WIPF1: variants seen among roughly 807,000 people sequenced by gnomAD.
WIPF1 encodes the protein WAS/WASL-interacting protein family member 1.
Under a neutral mutation model 35.4 loss-of-function variants are expected in WIPF1, and 13 were observed. That is an observed-to-expected ratio of 0.37 (90% CI 0.24 to 0.58). WIPF1 has a LOEUF of 0.58. Among genes scored for constraint, WIPF1 ranks in the 20% least tolerant of loss-of-function variants. The pLI, the probability that WIPF1 is intolerant of heterozygous loss-of-function variation, is 0.74. For synonymous variants in WIPF1, 267 were observed against 266.3 expected (o/e 1.00, Z -0.02); for missense variants, 591 against 667.0 (o/e 0.89, Z 1.25).
intron 1 of WIPF1, among the ~76,000 whole-genome samples, chr2:174,632,891 T>G (rs2105935488): frequency 6.6e-6 from 1 of 152,278 alleles, no homozygotes; most frequent in African/African-American, 2.4e-5. Context: ...GAAGAGCTCC[T>G]TCGAGGGATG....
chr2:174,631,028 G>A (rs765123648), intron 1 of WIPF1, among the ~76,000 whole-genome samples: 3 of 152,142 alleles, frequency 2.0e-5, no homozygotes, highest in Non-Finnish European at 4.4e-5. Context: ...TTGTGTTTTG[G>A]GAGGAAGAGT....
chr2:174,635,546 T>G lies in WIPF1; in HGVS notation c.-39+47228A>C, dbSNP rs1173227633. Among the ~76,000 whole-genome samples the G allele has an allele frequency of 1.0e-4, 15 of 149,040 alleles. 1 individual carries two copies. The highest frequency in any genetic ancestry group is 3.7e-4 in the African/African-American group (15 of 40,184). On this transcript the variant is annotated intron_variant, in intron 1 of 8. Transcript: ENST00000272746. Reference sequence around the variant, plus strand: ...TTCTGTTTGTTTTTTTTTTTTTTTTTTTTTTTTTGTGATTCTCTCAGCCAT... The same window carrying G: ...TTCTGTTTGTTTTTTTTTTTTTTTTGTTTTTTTTGTGATTCTCTCAGCCAT...
At chr2:174,575,739 G>A (rs1028227473) in intron 3 of WIPF1, among the ~76,000 whole-genome samples, 5 of 152,126 alleles carry the variant, frequency 3.3e-5, no homozygotes, top group Non-Finnish European at 7.3e-5. Context: ...CACTTTGGGA[G>A]GCTGAGGTGG....
chr2:174,585,546 G>A lies in WIPF1; in HGVS notation c.28C>T (p.Pro10Ser). 1 of 1,612,930 alleles carries A rather than the reference G, an allele frequency of 6.2e-7. No homozygotes were observed. Among genetic ancestry groups the A allele is most frequent in the Non-Finnish European group, 8.5e-7 (1 of 1,179,592 alleles). The change falls in exon 2 of 8, where the codon CCG (proline) becomes TCG (serine). Residue 10 changes from proline (P) to serine (S), a missense_variant. By Grantham distance (74) the Pro-to-Ser change is moderately conservative. Around this residue, in one of 3 missense-constraint regions of WIPF1, gnomAD observed 471 missense variants for 501.1 expected, o/e 0.94. Coordinates refer to ENST00000679041, the MANE Select transcript of WIPF1 (RefSeq NM_001375834.1). Reference sequence around the variant, plus strand: ...ACCAGTGCAAACGTCGGGGGCGGCGGGGGTGCTGGAGGGGGAGGGACAGGC... The same window carrying A: ...ACCAGTGCAAACGTCGGGGGCGGCGAGGGTGCTGGAGGGGGAGGGACAGGC... MPVPPPPAP[P>S]PPPTFALANT... is the part of the protein sequence containing the mutation.
At chr2:174,594,750 T>C (rs1487297671) in intron 1 of WIPF1, among the ~76,000 whole-genome samples, 1 of 132,492 alleles carries the variant, frequency 7.5e-6, no homozygotes, top group Non-Finnish European at 1.7e-5. Flanking sequence ...GCACACTTGA[T>C]ATATACTGTA....
intron 1 of WIPF1, among the ~76,000 whole-genome samples, chr2:174,632,668 C>T (rs1687059983): frequency 1.5e-5 from 2 of 130,526 alleles, no homozygotes; most frequent in South Asian, 4.9e-4. Flanking sequence ...GAGACGGTGC[C>T]ACTGCACTTC....
intron 1 of WIPF1, among the ~76,000 whole-genome samples, chr2:174,596,018 C>T (rs1211068654): frequency 6.6e-6 from 1 of 152,154 alleles, no homozygotes; most frequent in Non-Finnish European, 1.5e-5. Flanking sequence ...AATTCAGTAT[C>T]ACTTCATCTC....
At chr2:174,639,092 T>C (rs961164146) in intron 1 of WIPF1, among the ~76,000 whole-genome samples, 1 of 152,236 alleles carries the variant, frequency 6.6e-6, no homozygotes, top group African/African-American at 2.4e-5. Context: ...TATTTCCTTT[T>C]CTCCACATCC....
chr2:174,651,346 A>AAACAACAAAGT (rs1313294080), intron 1 of WIPF1, among the ~76,000 whole-genome samples: 10 of 152,364 alleles, frequency 6.6e-5, no homozygotes, highest in African/African-American at 2.4e-4. Flanking sequence ...TTTTAAAAAA[A>AAACAACAAAGT]AACAACAAAG....
chr2:174,638,233 T>C (rs1161785898), intron 1 of WIPF1, among the ~76,000 whole-genome samples: 1 of 152,232 alleles, frequency 6.6e-6, no homozygotes, highest in Non-Finnish European at 1.5e-5. Flanking sequence ...CAGATATTGA[T>C]ATAAAGTAAA....
chr2:174,580,258 C>T (rs543270645), intron 3 of WIPF1, among the ~76,000 whole-genome samples: 3 of 152,232 alleles, frequency 2.0e-5, no homozygotes, highest in African/African-American at 7.2e-5. Flanking sequence ...GCCATAGTTC[C>T]TTTTTGAAAG....
intron 1 of WIPF1, among the ~76,000 whole-genome samples, chr2:174,664,578 C>T (rs1254030501): frequency 6.6e-6 from 1 of 152,196 alleles, no homozygotes; most frequent in Non-Finnish European, 1.5e-5. Context: ...CCAAGAATGC[C>T]CTCTCTTGTG....
chr2:174,569,900 T>C (rs375326634), intron 5 of WIPF1, among the ~76,000 whole-genome samples: 2 of 152,314 alleles, frequency 1.3e-5, no homozygotes, highest in South Asian at 2.1e-4. Context: ...GGGCCTTTGA[T>C]GAACTCTCAT....
intron 2 of WIPF1, among the ~76,000 whole-genome samples, chr2:174,584,059 C>T (rs972433489): frequency 6.6e-6 from 1 of 152,160 alleles, no homozygotes; most frequent in African/African-American, 2.4e-5. Flanking sequence ...AACTCCTGGG[C>T]TCAAGTTATC....
At chr2:174,612,319 G>C (rs184866238) in intron 1 of WIPF1, among the ~76,000 whole-genome samples, 1 of 151,990 alleles carries the variant, frequency 6.6e-6, no homozygotes, top group Admixed American at 6.6e-5. Flanking sequence ...GGATGTGTAC[G>C]TGCGTCTGTA....
chr2:174,646,147 C>T (rs151262890), intron 1 of WIPF1, among the ~76,000 whole-genome samples: 195 of 152,336 alleles, frequency 1.3e-3, no homozygotes, highest in African/African-American at 4.5e-3. Flanking sequence ...AGTAAGGTGT[C>T]TCTCGTTATG....
At chr2:174,663,145 A>G (rs913769947) in intron 1 of WIPF1, among the ~76,000 whole-genome samples, 5 of 152,162 alleles carry the variant, frequency 3.3e-5, no homozygotes, top group Admixed American at 3.3e-4. Flanking sequence ...AGGACCATCT[A>G]TGGGGATCAG....
intron 1 of WIPF1, among the ~76,000 whole-genome samples, chr2:174,619,157 C>G (rs1686602445): frequency 6.6e-6 from 1 of 152,128 alleles, no homozygotes. Flanking sequence ...CTATGTTGCC[C>G]AGGCTGGTCT....
chr2:174,565,695 T>C (rs1444959758), intron 7 of WIPF1, among the ~76,000 whole-genome samples: 2 of 152,122 alleles, frequency 1.3e-5, no homozygotes, highest in Non-Finnish European at 2.9e-5. Context: ...TTTGAGTACA[T>C]GTAAGGTGCT....
Sources: allele counts gnomAD v4.1 joint callset (sites outside exome capture counted in the v4.1 genomes callset), GRCh38; gene constraint gnomAD v4.1.1; regional missense constraint gnomAD v4.1.1; transcripts MANE v1.5; gene names NCBI Gene and HGNC (gene_info 2026-07-23, HGNC 2026-07-21).